MAPK10: variants seen among roughly 807,000 people sequenced by gnomAD.
The protein encoded by MAPK10 is JNK3 alpha protein kinase.
In MAPK10, 25 loss-of-function variants were observed where a neutral mutation model predicts 59.3. That is an observed-to-expected ratio of 0.42 (90% CI 0.31 to 0.59). MAPK10 has a LOEUF of 0.59. MAPK10 is among the 20% of genes least tolerant of loss of function. MAPK10 has a pLI of 0.15. For missense variants in MAPK10, 351 were observed against 568.9 expected (o/e 0.62, Z 3.90); for synonymous variants, 190 against 200.5 (o/e 0.95, Z 0.44).
At position 86,101,893 on chromosome 4, in the gene MAPK10, C is replaced by T. The variant is rs762811328; in HGVS notation, c.564+1G>A. ...TGTAATCCTAGAGAAGGTGTTCTTA[C>T]CCTGTGAATAATTCCAGCAGAATGG... On this transcript the variant is annotated splice_donor_variant, in intron 7 of 13. Transcript: ENST00000641462. LOFTEE classifies it high-confidence loss of function. 1 of 1,613,902 alleles carries T rather than the reference C, an allele frequency of 6.2e-7. No individual in the cohort carries two copies. The highest frequency in any genetic ancestry group is 8.5e-7 in the Non-Finnish European group (1 of 1,179,832).
chr4:86,548,538 T>C (rs1336205024), intron 1 of MAPK10, among the ~76,000 whole-genome samples: 5 of 151,926 alleles, frequency 3.3e-5, no homozygotes, highest in Non-Finnish European at 7.4e-5. Context: ...TGGTGGGAGG[T>C]GACTGGATCA....
Position 86,015,966 on chromosome 4 carries a change from G to C in MAPK10, c.*1262C>G, listed in dbSNP as rs904841380. 2 of 152,106 alleles carry C rather than the reference G, an allele frequency of 1.3e-5. No homozygotes were observed. Among genetic ancestry groups the C allele is most frequent in the Non-Finnish European group, 2.9e-5 (2 of 68,030 alleles). 9.4% of individuals were successfully genotyped at this position (152,106 alleles called of 1,614,324 possible). A position where few individuals can be genotyped will look rare whatever the true frequency, so the allele number is the denominator to read the frequency against. On this transcript the variant is annotated 3_prime_UTR_variant, in exon 14 of 14. Transcript: ENST00000641462. ...TTATTATTATTATTATTTTATTTCA[G>C]AAGAGGAAAGTAATATTATTTCTCA... is the stretch of plus-strand genomic sequence containing the variant.
At chr4:86,323,761 A>G (rs536980318) in intron 2 of MAPK10, among the ~76,000 whole-genome samples, 1 of 152,364 alleles carries the variant, frequency 6.6e-6, no homozygotes, top group Non-Finnish European at 1.5e-5. Flanking sequence ...TTTTAGGCAT[A>G]TAACTCAAAA....
At chr4:86,352,360 G>A (rs1343258905) in intron 2 of MAPK10, 2 of 152,100 alleles carry the variant, frequency 1.3e-5, no homozygotes, top group East Asian at 1.9e-4. Flanking sequence ...TGATACAATA[G>A]AATACTATAC....
At chr4:86,171,622 C>T (rs1354941396) in intron 3 of MAPK10, among the ~76,000 whole-genome samples, 6 of 152,136 alleles carry the variant, frequency 3.9e-5, no homozygotes, top group African/African-American at 1.2e-4. Context: ...ACCATAAAAA[C>T]CCTAGGAGAA....
intron 2 of MAPK10, among the ~76,000 whole-genome samples, chr4:86,302,466 T>C (rs1026134452): frequency 6.6e-5 from 10 of 152,180 alleles, no homozygotes; most frequent in African/African-American, 1.9e-4. Flanking sequence ...TGAAGTCAAC[T>C]GGCGAAGCGA....
intron 2 of MAPK10, among the ~76,000 whole-genome samples, chr4:86,305,970 AATAG>A (rs555675453): frequency 9.8e-5 from 15 of 152,316 alleles, no homozygotes; most frequent in Non-Finnish European, 1.6e-4. Context: ...CAAATAAAGA[AATAG>A]ATAATTTGTT....
chr4:86,109,100 T>C (rs2057023092), intron 4 of MAPK10, among the ~76,000 whole-genome samples: 1 of 152,200 alleles, frequency 6.6e-6, no homozygotes, highest in African/African-American at 2.4e-5. Context: ...GTAGAGCTAG[T>C]AACTCTCTCA....
chr4:86,386,484 T>C (rs1202439719), intron 1 of MAPK10, among the ~76,000 whole-genome samples: 2 of 152,114 alleles, frequency 1.3e-5, no homozygotes, highest in Non-Finnish European at 2.9e-5. Context: ...ATTCTGAGAG[T>C]TGGTTCATTG....
At chr4:86,521,605 C>T (rs1390140944) in intron 1 of MAPK10, among the ~76,000 whole-genome samples, 1 of 152,090 alleles carries the variant, frequency 6.6e-6, no homozygotes, top group Non-Finnish European at 1.5e-5. Context: ...CAGACATCAC[C>T]CAGCTCCTAT....
chr4:86,539,045 A>G (rs951887676), intron 1 of MAPK10, among the ~76,000 whole-genome samples: 14 of 152,184 alleles, frequency 9.2e-5, no homozygotes, highest in African/African-American at 3.4e-4. Flanking sequence ...AATCCCCATC[A>G]GTGTTGTAGT....
chr4:86,098,748 A>T, intron 8 of MAPK10, 153 bp from the exon 9 acceptor site: 2 of 642,892 alleles, frequency 3.1e-6, no homozygotes, highest in Non-Finnish European at 5.6e-6. Context: ...AATTCAAACC[A>T]GCGCTATGCT....
chr4:86,147,168 C>T (rs1054708690), intron 4 of MAPK10, among the ~76,000 whole-genome samples: 6 of 151,934 alleles, frequency 3.9e-5, no homozygotes, highest in Admixed American at 6.6e-5. Flanking sequence ...CTCACTGCAA[C>T]CTCCGCCTCC....
intron 2 of MAPK10, among the ~76,000 whole-genome samples, chr4:86,222,332 C>G (rs2089812260): frequency 6.6e-6 from 1 of 152,108 alleles, no homozygotes; most frequent in Non-Finnish European, 1.5e-5. Context: ...ATCCAAATGC[C>G]AGGAGTTTTG....
intron 1 of MAPK10, among the ~76,000 whole-genome samples, chr4:86,563,260 T>C (rs1027355455): frequency 1.3e-5 from 2 of 152,196 alleles, no homozygotes; most frequent in Non-Finnish European, 2.9e-5. Flanking sequence ...ATTTTATTCA[T>C]AATAGTATCT....
intron 2 of MAPK10, among the ~76,000 whole-genome samples, chr4:86,246,711 A>G (rs1720066871): frequency 6.6e-6 from 1 of 152,182 alleles, no homozygotes; most frequent in African/African-American, 2.4e-5. Context: ...AGAAACCGAG[A>G]GTCAGCTTGC....
chr4:86,063,468 A>AG (rs2148985334), intron 11 of MAPK10, among the ~76,000 whole-genome samples: 1 of 152,254 alleles, frequency 6.6e-6, no homozygotes, highest in East Asian at 1.9e-4. Flanking sequence ...TTAAGGGAGA[A>AG]GGTAACATTC....
At chr4:86,288,877 G>A (rs1279632526) in intron 2 of MAPK10, among the ~76,000 whole-genome samples, 2 of 151,340 alleles carry the variant, frequency 1.3e-5, no homozygotes, top group African/African-American at 4.9e-5. Flanking sequence ...CTTGATATGT[G>A]CCAGGCACCA....
chr4:86,046,508 T>C lies in MAPK10; in HGVS notation c.1111-15077A>G, dbSNP rs983045976. Among the ~76,000 whole-genome samples, 5 of 152,184 alleles carry C rather than the reference T, an allele frequency of 3.3e-5. No individual in the cohort carries two copies. In the South Asian group the frequency reaches 6.2e-4, roughly 19 times the overall value. On this transcript the variant is annotated intron_variant, in intron 11 of 13. Transcript: ENST00000641462. ...ACAATGGGGTTTTCTAGATATACAATTGAAAATCTAGAAGAAATGGAAGCA... is the reference window on the plus strand; with the variant it reads ...ACAATGGGGTTTTCTAGATATACAACTGAAAATCTAGAAGAAATGGAAGCA...
Sources: allele counts gnomAD v4.1 joint callset (sites outside exome capture counted in the v4.1 genomes callset), GRCh38; gene constraint gnomAD v4.1.1; transcripts MANE v1.5; gene names NCBI Gene and HGNC (gene_info 2026-07-23, HGNC 2026-07-21).